The following TMEM229B variants were observed in gnomAD, a reference collection of about 807,000 sequenced individuals.
TMEM229B encodes the protein chromosome 14 open reading frame 83.
Under a neutral mutation model 13.7 loss-of-function variants are expected in TMEM229B, and 6 were observed. That is an observed-to-expected ratio of 0.44 (90% CI 0.24 to 0.86). TMEM229B has a LOEUF of 0.86. TMEM229B is among the 40% of genes least tolerant of loss of function. The pLI is 0.23. For missense variants in TMEM229B, 170 were observed against 236.0 expected, an observed-to-expected ratio of 0.72 and a Z score of 1.83; for synonymous variants, 107 against 102.1, an observed-to-expected ratio of 1.05 and a Z score of -0.29.
chr14:67,473,930 G>T lies in TMEM229B; in HGVS notation c.-7C>A, dbSNP rs1261753259. The T allele has an allele frequency of 1.9e-6, 3 of 1,593,618 alleles. No individual in the cohort carries two copies. Among genetic ancestry groups the T allele is most frequent in the African/African-American group, 1.3e-5 (1 of 74,586 alleles). On this transcript the variant is annotated 5_prime_UTR_variant, in exon 3 of 3. Transcript: ENST00000554480. This position sits in a 1 kb window ranked among gnomAD's most constrained non-coding sequence, Gnocchi z 6.5. ...GGGGCTCGGCAGACGCCATGGCGCCGACTGGGGCTGGCTGCGGGGGGCGCA... is the reference window on the plus strand; with the variant it reads ...GGGGCTCGGCAGACGCCATGGCGCCTACTGGGGCTGGCTGCGGGGGGCGCA...
chr14:67,531,595 T>C (rs1396822430), intron 1 of TMEM229B, among the ~76,000 whole-genome samples: 2 of 151,864 alleles, frequency 1.3e-5, no homozygotes, highest in African/African-American at 4.8e-5. Context: ...GTGCGTCTCT[T>C]TTCACTATAT....
intron 1 of TMEM229B, among the ~76,000 whole-genome samples, chr14:67,494,014 G>A (rs551816022): frequency 6.6e-6 from 1 of 152,018 alleles, no homozygotes; most frequent in Non-Finnish European, 1.5e-5. Context: ...CAGTCCACAG[G>A]AAAGACCACC....
intron 2 of TMEM229B, among the ~76,000 whole-genome samples, chr14:67,483,995 G>A (rs1438151581): frequency 1.3e-5 from 2 of 152,168 alleles, no homozygotes; most frequent in African/African-American, 4.8e-5. Context: ...GCCCTGCACG[G>A]GGGACTGGCA....
rs757183130 is a variant in TMEM229B at position 67,508,753 on chromosome 14, C to CAAAAAAAAAA, written c.-192+6323_-192+6332dup. Among the ~76,000 whole-genome samples, 25 of 46,700 alleles carry CAAAAAAAAAA rather than the reference C, an allele frequency of 5.4e-4. 3 individuals are homozygous for CAAAAAAAAAA. Among genetic ancestry groups the CAAAAAAAAAA allele is most frequent in the Non-Finnish European group, 8.0e-4 (17 of 21,302 alleles). 30.6% of individuals were successfully genotyped at this position (46,700 alleles called of 152,430 possible). Reference sequence around the variant, plus strand: ...TGGGTGACAGAGCAAAACCTTGTCTCAAAAAAAAAAAAAAAAAACAGAAGA... The same window carrying CAAAAAAAAAA: ...TGGGTGACAGAGCAAAACCTTGTCTCAAAAAAAAAAAAAAAAAAAAAAAAAAAACAGAAGA... On this transcript the variant is annotated intron_variant, in intron 1 of 2. Coordinates refer to the TMEM229B transcript ENST00000357461.
chr14:67,497,380 C>T (rs147838723), intron 1 of TMEM229B, among the ~76,000 whole-genome samples: 58 of 152,140 alleles, frequency 3.8e-4, no homozygotes, highest in South Asian at 1.0e-3. Context: ...AGGCCGAGAA[C>T]GCAGGTATCC....
At chr14:67,497,383 A>G (rs1019531348) in intron 1 of TMEM229B, among the ~76,000 whole-genome samples, 1 of 152,088 alleles carries the variant, frequency 6.6e-6, no homozygotes, top group Non-Finnish European at 1.5e-5. Flanking sequence ...CCGAGAACGC[A>G]GGTATCCCAG....
In TMEM229B at chr14:67,473,694, C is replaced by A. The variant is rs769363676; in HGVS notation, c.230G>T (p.Cys77Phe). ...GTAGGTCCAGAGCGTGTAGATGAGG[C>A]AGCGCAGGAGCAGCGGGCAGCGGCC... ...LRGRCPLLLR[C>F]LIYTLWTYLW... is the part of the protein sequence containing the mutation. The change falls in exon 3 of 3, where the codon TGC (cysteine) becomes TTC (phenylalanine). Residue 77 changes from cysteine (C) to phenylalanine (F), a missense_variant. This residue lies in a region of TMEM229B where 57 missense variants were observed against 66.7 expected (regional missense o/e 0.85). Coordinates refer to ENST00000554480, the MANE Select transcript of TMEM229B (RefSeq NM_001348543.2). This position sits in a 1 kb window ranked among gnomAD's most constrained non-coding sequence, Gnocchi z 6.5. The A allele has an allele frequency of 6.3e-7, 1 of 1,588,938 alleles. No individual in the cohort carries two copies.
intron 2 of TMEM229B, among the ~76,000 whole-genome samples, chr14:67,478,705 G>A (rs1307867558): frequency 6.6e-6 from 1 of 151,998 alleles, no homozygotes; most frequent in Non-Finnish European, 1.5e-5. Context: ...TGCTACCTGG[G>A]CCCCACCCAG....
intron 2 of TMEM229B, among the ~76,000 whole-genome samples, chr14:67,486,680 G>A (rs1223153283): frequency 6.6e-6 from 1 of 152,148 alleles, no homozygotes; most frequent in African/African-American, 2.4e-5. Context: ...CCATGATTGT[G>A]AGGCTTCCCC....
intron 1 of TMEM229B, among the ~76,000 whole-genome samples, chr14:67,511,193 A>T (rs899741774): frequency 6.6e-6 from 1 of 152,184 alleles, no homozygotes; most frequent in Non-Finnish European, 1.5e-5. Flanking sequence ...TCGTCATTCA[A>T]GTCTAACTGC....
At chr14:67,499,743 T>C (rs1216020316) in intron 1 of TMEM229B, among the ~76,000 whole-genome samples, 5 of 152,094 alleles carry the variant, frequency 3.3e-5, no homozygotes, top group Non-Finnish European at 5.9e-5. Context: ...CAGAAATACT[T>C]ATGGCTCAGA....
exon 1 of TMEM229B, chr14:67,515,111 G>A (rs1350251072): frequency 6.6e-6 from 1 of 152,286 alleles, no homozygotes; most frequent in East Asian, 1.9e-4. Flanking sequence ...GCCGTGGGTA[G>A]GGGCTGGGCA....
At chr14:67,527,767 C>T (rs547174931) in intron 1 of TMEM229B, among the ~76,000 whole-genome samples, 1 of 152,354 alleles carries the variant, frequency 6.6e-6, no homozygotes, top group Non-Finnish European at 1.5e-5. Flanking sequence ...TTCTATTTTA[C>T]AGTTAGGTGA....
At position 67,496,410 on chromosome 14, in the gene TMEM229B, T is replaced by G. The variant is rs1255940618; in HGVS notation, c.-191-9238A>C. On this transcript the variant is annotated intron_variant, in intron 1 of 2. Coordinates refer to the TMEM229B transcript ENST00000357461. Reference sequence around the variant, plus strand: ...TCCGGCGTTTTTTTTTTTTTTTTTTTTTTTTTTTTTTGAGACAGGGTCTGG... The same window carrying G: ...TCCGGCGTTTTTTTTTTTTTTTTTTGTTTTTTTTTTTGAGACAGGGTCTGG... 3.7e-5 allele frequency among the ~76,000 whole-genome samples: 5 copies of G among 133,752 alleles called. No individual in the cohort carries two copies. In the South Asian group the frequency reaches 1.4e-3, roughly 37 times the overall value. 87.7% of individuals were successfully genotyped at this position (133,752 alleles called of 152,430 possible). A position where few individuals can be genotyped will look rare whatever the true frequency, so the allele number is the denominator to read the frequency against.
intron 1 of TMEM229B, among the ~76,000 whole-genome samples, chr14:67,507,815 C>T (rs2032880693): frequency 1.3e-5 from 2 of 152,162 alleles, no homozygotes; most frequent in African/African-American, 4.8e-5. Flanking sequence ...CAGACACCAC[C>T]TCTCAGCTGC....
intron 1 of TMEM229B, among the ~76,000 whole-genome samples, chr14:67,501,659 A>G (rs1322073003): frequency 6.6e-6 from 1 of 152,218 alleles, no homozygotes; most frequent in East Asian, 1.9e-4. Context: ...GTTATGTTTG[A>G]AGAGCCCAAA....
At chr14:67,522,088 G>A (rs902138525) in intron 1 of TMEM229B, among the ~76,000 whole-genome samples, 2 of 152,152 alleles carry the variant, frequency 1.3e-5, no homozygotes, top group African/African-American at 2.4e-5. Context: ...CAGGAGAATC[G>A]CTTGAACCCG....
At chr14:67,505,077 C>G (rs1254910491) in intron 1 of TMEM229B, among the ~76,000 whole-genome samples, 4 of 152,080 alleles carry the variant, frequency 2.6e-5, no homozygotes, top group Non-Finnish European at 2.9e-5. Flanking sequence ...GCATCACTTT[C>G]CAGATGAACA....
chr14:67,490,789 T>C (rs2140144549), upstream of TMEM229B, among the ~76,000 whole-genome samples: 1 of 152,178 alleles, frequency 6.6e-6, no homozygotes, highest in East Asian at 1.9e-4. Context: ...CCCACTCTCC[T>C]TTTCCTTAAC....
Sources: gnomAD v4.1 joint callset for allele counts (sites outside exome capture counted in the v4.1 genomes callset) on GRCh38, gnomAD v4.1.1 for gene constraint, gnomAD v4.1.1 regional missense constraint, Gnocchi (gnomAD v3.1) non-coding constraint, MANE v1.5 for transcripts, NCBI Gene and HGNC (gene_info 2026-07-23, HGNC 2026-07-21) for gene names.